The following COL7A1 variants were observed in gnomAD, a reference collection of about 807,000 sequenced individuals.
COL7A1 encodes collagen type VII alpha 1 chain.
COL7A1 carries 296 observed loss-of-function variants against 456.2 expected under a neutral mutation model. The ratio of observed to expected loss-of-function variants is 0.65; its 90% CI spans 0.59 to 0.71. COL7A1 has a LOEUF of 0.71. Ranked by LOEUF, COL7A1 falls within the 30% of genes least tolerant of loss-of-function variation. The pLI, the probability that COL7A1 is intolerant of heterozygous loss-of-function variation, is 0.00. For synonymous variants in COL7A1, 1,464 were observed against 1,525.9 expected (o/e 0.96, Z 0.95); for missense variants, 3,441 against 4,017.2 (o/e 0.86, Z 3.88).
At chr3:48,577,857 C>G (rs2044426173) in intron 65 of COL7A1, among the ~76,000 whole-genome samples, 1 of 152,186 alleles carries the variant, frequency 6.6e-6, no homozygotes, top group South Asian at 2.1e-4. Flanking sequence ...GTGAGGCTGC[C>G]TGTGTGTGCA....
At chr3:48,589,239 G>C (rs1462223996) in intron 18 of COL7A1, 88 bp downstream of exon 18, 3 of 1,586,612 alleles carry the variant, frequency 1.9e-6, no homozygotes, top group East Asian at 4.5e-5. Flanking sequence ...ACTGAGCAGG[G>C]GGGTGGAGGC....
chr3:48,567,351 T>G lies in COL7A1; in HGVS notation c.8047-161A>C. ...GATCCCCATGACTCCAACTCCACTA[T>G]AGCCCCCTGCCCTGATGCACATGCC... On this transcript the variant is annotated intron_variant, in intron 109 of 118. Transcript: ENST00000681320. This position sits in a 1 kb window ranked among gnomAD's most constrained non-coding sequence, Gnocchi z 4.3. 1.0e-6 allele frequency: 1 copy of G among 981,290 alleles called. No homozygotes were observed. The highest frequency in any genetic ancestry group is 1.6e-6 in the Non-Finnish European group (1 of 637,858). 60.8% of individuals were successfully genotyped at this position (981,290 alleles called of 1,614,324 possible).
chr3:48,594,607 C>T lies in COL7A1; in HGVS notation c.86-59G>A. ...GGGAGGCCAACCACCCGCCTACCCG[C>T]ACGGTGGCCTCACTGGGACTTGGGA... On this transcript the variant is annotated intron_variant, in intron 2 of 118. Transcript: ENST00000681320. The surrounding 1 kb of genome is among the most constrained non-coding windows in gnomAD (Gnocchi z 5.5). 2.6e-6 allele frequency: 4 copies of T among 1,522,732 alleles called. No individual in the cohort carries two copies. Among genetic ancestry groups the T allele is most frequent in the South Asian group, 1.2e-5 (1 of 84,066 alleles). The allele number at this position is 1,522,732 out of a possible 1,614,324, so 94.3% of individuals were successfully genotyped here.
Position 48,595,117 on chromosome 3 carries a change from G to A in COL7A1, c.43C>T (p.Leu15=). The A allele has an allele frequency of 6.4e-7, 1 of 1,555,264 alleles. No individual in the cohort carries two copies. Among genetic ancestry groups the A allele is most frequent in the Non-Finnish European group, 8.7e-7 (1 of 1,149,740 alleles). The part of the protein sequence containing the change: ...LLVAALCAGI[L]AEAPRVRAQH... ...GCTCGCACTCGGGGCGCCTCTGCCAGGATCCCGGCGCAGAGCGCGGCCACC... is the reference window on the plus strand; with the variant it reads ...GCTCGCACTCGGGGCGCCTCTGCCAAGATCCCGGCGCAGAGCGCGGCCACC... The change falls in exon 2 of 119, where the codon CTG becomes TTG. Residue 15 remains leucine, a synonymous_variant. Coordinates refer to ENST00000681320, the MANE Select transcript of COL7A1 (RefSeq NM_000094.4).
chr3:48,569,611 C>T lies in COL7A1; in HGVS notation c.7595G>A (p.Arg2532Gln), dbSNP rs755230641. The T allele has an allele frequency of 1.1e-5, 17 of 1,613,676 alleles. No individual in the cohort carries two copies. The highest frequency in any genetic ancestry group is 1.6e-4 in the Middle Eastern group (1 of 6,074). Residue 2532 changes from arginine (R) to glutamine (Q), a missense_variant, in exon 102 of 119, where the codon CGG becomes CAG. Physicochemically the swap from Arg to Gln is conservative, Grantham distance 43. This residue lies in a region of COL7A1 where 2,084 missense variants were observed against 2,501.3 expected (regional missense o/e 0.83). Coordinates refer to ENST00000681320, the MANE Select transcript of COL7A1 (RefSeq NM_000094.4). The surrounding 1 kb of genome is among the most constrained non-coding windows in gnomAD (Gnocchi z 4.9). ...ACTCACCATGTCCCCCTTGGCACCCCGTGGGCCTGGAGGCCCCAGGATCAC... is the reference window on the plus strand; with the variant it reads ...ACTCACCATGTCCCCCTTGGCACCCTGTGGGCCTGGAGGCCCCAGGATCAC... ...SAVILGPPGP[R>Q]GAKGDMGERG...
rs1453510740 is a variant in COL7A1, at chr3:48,569,230, C to T, written c.7686+145G>A. On this transcript the variant is annotated intron_variant, in intron 103 of 118. Coordinates refer to ENST00000681320, the MANE Select transcript of COL7A1 (RefSeq NM_000094.4). The surrounding 1 kb of genome is among the most constrained non-coding windows in gnomAD (Gnocchi z 4.9). ...GAGCCCTCCCTAGAGCCCCTCCTCT[C>T]GGCCACTCCATAGTCAGCCACAGAA... is the stretch of plus-strand genomic sequence containing the variant. The T allele has an allele frequency of 1.6e-5, 16 of 996,036 alleles. No individual in the cohort carries two copies. The highest frequency in any genetic ancestry group is 3.2e-5 in the African/African-American group (2 of 62,742). The allele number at this position is 996,036 out of a possible 1,614,324, so 61.7% of individuals were successfully genotyped here.
At position 48,592,497 on chromosome 3, in the gene COL7A1, G is replaced by C. The variant is rs750118657; in HGVS notation, c.977-30C>G. 8 of 1,613,214 alleles carry C rather than the reference G, an allele frequency of 5.0e-6. No homozygotes were observed. Among genetic ancestry groups the C allele is most frequent in the African/African-American group, 1.3e-5 (1 of 74,916 alleles). On this transcript the variant is annotated intron_variant, in intron 8 of 118. Transcript: ENST00000681320. The surrounding 1 kb of genome is among the most constrained non-coding windows in gnomAD (Gnocchi z 7.6). ...GGGAGAGTCCCACCAGGGATTCATGGAGTCAGAAGTGGGAGGGGGTACTGG... is the reference window on the plus strand; with the variant it reads ...GGGAGAGTCCCACCAGGGATTCATGCAGTCAGAAGTGGGAGGGGGTACTGG...
rs756970724 is a variant in COL7A1, at chr3:48,564,894, C to T, written c.8707G>A (p.Ala2903Thr). The T allele has an allele frequency of 1.2e-6, 2 of 1,614,150 alleles. No individual in the cohort carries two copies. The highest frequency in any genetic ancestry group is 4.5e-5 in the East Asian group (2 of 44,872). Residue 2903 changes from alanine (A) to threonine (T), a missense_variant, in exon 118 of 119, where the codon GCC becomes ACC. By Grantham distance (58) the Ala-to-Thr change is moderately conservative. This residue lies in a region of COL7A1 where 2,084 missense variants were observed against 2,501.3 expected (regional missense o/e 0.83). Coordinates refer to ENST00000681320, the MANE Select transcript of COL7A1 (RefSeq NM_000094.4). The surrounding 1 kb of genome is among the most constrained non-coding windows in gnomAD (Gnocchi z 6.0). ...CCACCATAGACAAAAGGGTGACAGG[C>T]CTCTGTGCTGCCTGTCACAGCCCGA... ...YHRAVTGSTE[A>T]CHPFVYGGCG...
chr3:48,594,351 C>T lies in COL7A1; in HGVS notation c.266+17G>A, dbSNP rs1442617796. On this transcript the variant is annotated intron_variant, in intron 3 of 118. Coordinates refer to ENST00000681320, the MANE Select transcript of COL7A1 (RefSeq NM_000094.4). The surrounding 1 kb of genome is among the most constrained non-coding windows in gnomAD (Gnocchi z 5.5). ...GTGGGGATCTCGTGGTCCCCAGCCC[C>T]CAGGGCCCCTACTCACCGTGGGTCA... 6.2e-7 allele frequency: 1 copy of T among 1,608,202 alleles called. No homozygotes were observed. The highest frequency in any genetic ancestry group is 8.5e-7 in the Non-Finnish European group (1 of 1,179,908).
Position 48,587,099 on chromosome 3 carries a change from C to T in COL7A1, c.3149G>A (p.Arg1050His), listed in dbSNP as rs759485933. 42 of 1,612,732 alleles carry T rather than the reference C, an allele frequency of 2.6e-5. No individual in the cohort carries two copies. Among genetic ancestry groups the T allele is most frequent in the Admixed American group, 3.3e-5 (2 of 59,858 alleles). The part of the protein sequence containing the change: ...ASVTQTPVCP[R>H]GLADVVFLPH... ...TAGGAACACCACATCCGCCAGGCCA[C>T]GGGGGCACACTGTAGGAAGGGGAAC... The change falls in exon 25 of 119, where the codon CGT becomes CAT. Residue 1050 changes from arginine to histidine, a missense_variant. Physicochemically the swap from Arg to His is conservative, Grantham distance 29. Coordinates refer to ENST00000681320, the MANE Select transcript of COL7A1 (RefSeq NM_000094.4). The surrounding 1 kb of genome is among the most constrained non-coding windows in gnomAD (Gnocchi z 6.1).
Position 48,591,989 on chromosome 3 carries a change from G to T in COL7A1, c.1266C>A (p.Arg422=). Residue 422 remains arginine (R), a synonymous_variant, in exon 11 of 119, where the codon CGC becomes CGA. Transcript: ENST00000681320. This position sits in a 1 kb window ranked among gnomAD's most constrained non-coding sequence, Gnocchi z 7.0. ...TGGATGTGGGGCCCAGGATGACCGG[G>T]CGCAGGGTCTGCTCAACAGAAGCGT... ...RTDASVEQTL[R]PVILGPTSIL... 1.2e-6 allele frequency: 2 copies of T among 1,614,212 alleles called. No individual in the cohort carries two copies. Among genetic ancestry groups the T allele is most frequent in the Non-Finnish European group, 8.5e-7 (1 of 1,180,042 alleles).
Position 48,588,190 on chromosome 3 carries a change from C to A in COL7A1, c.2710+92G>T. The A allele has an allele frequency of 6.3e-7, 1 of 1,592,678 alleles. No individual in the cohort carries two copies. On this transcript the variant is annotated intron_variant, in intron 21 of 118. Transcript: ENST00000681320. This position sits in a 1 kb window ranked among gnomAD's most constrained non-coding sequence, Gnocchi z 4.6. ...TCCCGCAGACCCCCAGTGACAGACC[C>A]CGCCCACCATCACTGTCCTCGCCTA... is the stretch of plus-strand genomic sequence containing the variant.
Position 48,592,221 on chromosome 3 carries a change from C to A in COL7A1, c.1121G>T (p.Gly374Val). Reference protein sequence around the residue: ...SGGPTQQQELGPGQGSVLLRD... With the variant: ...SGGPTQQQELVPGQGSVLLRD... ...CAGCAACACTGAACCCTGCCCAGGG[C>A]CCAGCTCCTGCTGCTGTGTGGGCCC... Residue 374 changes from glycine (G) to valine (V), a missense_variant, in exon 10 of 119, where the codon GGC becomes GTC. Physicochemically the swap from Gly to Val is moderately radical, Grantham distance 109. This residue lies in a region of COL7A1 where 913 missense variants were observed against 1,088.2 expected (regional missense o/e 0.84). Transcript: ENST00000681320. This position sits in a 1 kb window ranked among gnomAD's most constrained non-coding sequence, Gnocchi z 7.6. 6.2e-7 allele frequency: 1 copy of A among 1,614,104 alleles called. No homozygotes were observed. Among genetic ancestry groups the A allele is most frequent in the Admixed American group, 1.7e-5 (1 of 60,036 alleles).
Position 48,566,221 on chromosome 3 carries a change from AG to A in COL7A1, c.8407+45del, listed in dbSNP as rs2043597776. 2 of 1,575,448 alleles carry A rather than the reference AG, an allele frequency of 1.3e-6. No individual in the cohort carries two copies. Among genetic ancestry groups the A allele is most frequent in the Non-Finnish European group, 1.7e-6 (2 of 1,160,360 alleles). The stretch of plus-strand genomic sequence containing the variant: ...TCTAGGGGCCTGCCTGCCCTTGCCT[AG>A]GGTGCTGGGGTGGAGTGGGAGACTG... On this transcript the variant is annotated intron_variant, in intron 114 of 118. Transcript: ENST00000681320. The surrounding 1 kb of genome is among the most constrained non-coding windows in gnomAD (Gnocchi z 5.9).
chr3:48,576,804 A>G lies in COL7A1; in HGVS notation c.5605-33T>C, dbSNP rs556498189. On this transcript the variant is annotated intron_variant, in intron 67 of 118. Coordinates refer to ENST00000681320, the MANE Select transcript of COL7A1 (RefSeq NM_000094.4). ...GGATGCAGCCAGCATCAGCACCCTG[A>G]GACCTCAGAAAAGAGTGGAGTCATA... 31 of 1,613,908 alleles carry G rather than the reference A, an allele frequency of 1.9e-5. No homozygotes were observed. The African/African-American group carries it at 4.1e-4, about 22-fold the overall frequency.
chr3:48,590,578 T>G lies in COL7A1; in HGVS notation c.1787A>C (p.Glu596Ala). ...CAGCCCTGGAACAGCAAGTGGAGTT[T>G]CCGGCTCTAGGAGTTACAGACAGAA... ...ASVLTVRREPETPLAVPGLRV... is the reference protein window; with the variant it reads ...ASVLTVRREPATPLAVPGLRV... Residue 596 changes from glutamate (E) to alanine (A), a missense_variant, in exon 15 of 119, where the codon GAA (glutamate) becomes GCA (alanine). Physicochemically the swap from Glu to Ala is moderately radical, Grantham distance 107. Transcript: ENST00000681320. This position sits in a 1 kb window ranked among gnomAD's most constrained non-coding sequence, Gnocchi z 4.6. The G allele has an allele frequency of 6.2e-7, 1 of 1,614,094 alleles. No homozygotes were observed. The highest frequency in any genetic ancestry group is 8.5e-7 in the Non-Finnish European group (1 of 1,180,014).
chr3:48,570,254 T>C lies in COL7A1; in HGVS notation c.7440+21A>G. ...AGAGCTGGGATGAAGGGAGTTCGGC[T>C]GTGGAGTAAGACATACGTACCCGGA... On this transcript the variant is annotated intron_variant, in intron 98 of 118. Coordinates refer to ENST00000681320, the MANE Select transcript of COL7A1 (RefSeq NM_000094.4). The surrounding 1 kb of genome is among the most constrained non-coding windows in gnomAD (Gnocchi z 5.5). 1 of 1,613,958 alleles carries C rather than the reference T, an allele frequency of 6.2e-7. No homozygotes were observed. Among genetic ancestry groups the C allele is most frequent in the East Asian group, 2.2e-5 (1 of 44,834 alleles).
At chr3:48,576,963 C>A (rs2044352793) in intron 66 of COL7A1, 29 bp downstream of exon 66, 1 of 1,613,950 alleles carries the variant, frequency 6.2e-7, no homozygotes, top group Non-Finnish European at 8.5e-7. Flanking sequence ...CAAGCAGAGA[C>A]CAGAGAGACC....
In COL7A1 at chr3:48,581,302, C is replaced by T. The variant is rs1308893062; in HGVS notation, c.4857G>A (p.Gly1619=). ...CAACAGGTCCTGGGGGGCCAGGCCG[C>T]CCAGGGTCTCCCTTCTCTCCAGGAG... is the stretch of plus-strand genomic sequence containing the variant. ...SGPPGEKGDP[G]RPGPPGPVGP... Residue 1619 remains glycine (G), a synonymous_variant, in exon 52 of 119, where the codon GGG becomes GGA. Transcript: ENST00000681320. This position sits in a 1 kb window ranked among gnomAD's most constrained non-coding sequence, Gnocchi z 5.8. 1 of 1,613,572 alleles carries T rather than the reference C, an allele frequency of 6.2e-7. No homozygotes were observed. Among genetic ancestry groups the T allele is most frequent in the South Asian group, 1.1e-5 (1 of 91,074 alleles).
Sources: allele counts gnomAD v4.1 joint callset (sites outside exome capture counted in the v4.1 genomes callset), GRCh38; gene constraint gnomAD v4.1.1; regional missense constraint gnomAD v4.1.1; non-coding constraint Gnocchi (gnomAD v3.1); transcripts MANE v1.5; gene names NCBI Gene and HGNC (gene_info 2026-07-23, HGNC 2026-07-21).